DPRX: variants seen among roughly 807,000 people sequenced by gnomAD.
DPRX encodes divergent paired-related homeobox.
Under a neutral mutation model 8.4 loss-of-function variants are expected in DPRX, and 11 were observed. The ratio of observed to expected loss-of-function variants is 1.31; its 90% confidence interval spans 0.82 to 2.17. The LOEUF (loss-of-function observed/expected upper bound fraction) is 2.17, where lower values mean the gene tolerates loss of function less well. Among genes scored for constraint, DPRX ranks in the 30% most tolerant of loss-of-function variants. The pLI, the probability that DPRX is intolerant of heterozygous loss-of-function variation, is 0.00. For missense variants in DPRX, 211 were observed against 236.7 expected, an observed-to-expected ratio of 0.89 and a Z score of 0.71; for synonymous variants, 72 against 87.0, an observed-to-expected ratio of 0.83 and a Z score of 0.96.
At chr19:53,623,310 A>AAAAAAAAAT in the DPRX span, among the ~76,000 whole-genome samples, 4 of 134,020 alleles carry the variant, frequency 3.0e-5, no homozygotes, top group Non-Finnish European at 6.3e-5. Flanking sequence ...CTGTCTCAAA[A>AAAAAAAAAT]AAATAAATAA....
chr19:53,621,711 G>T, the DPRX span, among the ~76,000 whole-genome samples: 1 of 151,892 alleles, frequency 6.6e-6, no homozygotes, highest in Admixed American at 6.6e-5. Context: ...GTTGAACCTG[G>T]AGGTAGAGGT....
chr19:53,620,276 A>G, the DPRX span, among the ~76,000 whole-genome samples: 59 of 151,744 alleles, frequency 3.9e-4, no homozygotes, highest in Middle Eastern at 0.01. Flanking sequence ...TCACCATGTT[A>G]GCCAGGATGG....
At chr19:53,616,742 G>A in the DPRX span, 65 of 1,381,848 alleles carry the variant, frequency 4.7e-5, 1 homozygote, top group Middle Eastern at 2.1e-4. Flanking sequence ...CAACAAGAGC[G>A]AAACTCTGTC....
chr19:53,609,309 A>T, the DPRX span, among the ~76,000 whole-genome samples: 12 of 150,398 alleles, frequency 8.0e-5, no homozygotes, highest in Non-Finnish European at 1.6e-4. Flanking sequence ...CTCTACAAAA[A>T]ATACAAAAAT....
the DPRX span, among the ~76,000 whole-genome samples, chr19:53,613,641 T>C: frequency 6.6e-6 from 1 of 151,148 alleles, no homozygotes; most frequent in African/African-American, 2.4e-5. Flanking sequence ...ACTACAGGCA[T>C]GAGCCACCGC....
the DPRX span, among the ~76,000 whole-genome samples, chr19:53,612,150 A>G: frequency 1.3e-5 from 2 of 151,536 alleles, no homozygotes; most frequent in East Asian, 3.9e-4. Flanking sequence ...TTGGGGGGCC[A>G]AGGCAGGAGA....
Position 53,632,283 on chromosome 19 carries a change from TTTG to T in DPRX, c.28+161_28+163del, listed in dbSNP as rs749939837. ...ACTTCCCACAGAGGCTGTCATCGTT[TTTG>T]TTGTTGTTGTTTTGTTTTGTTTTGT... On this transcript the variant is annotated intron_variant, in intron 1 of 2. Coordinates refer to ENST00000376650, the Ensembl canonical transcript of DPRX. 213 of 978,792 alleles carry T rather than the reference TTTG, an allele frequency of 2.2e-4. 1 individual carries two copies. The highest frequency in any genetic ancestry group is 1.2e-3 in the Middle Eastern group (5 of 4,062). The allele number at this position is 978,792 out of a possible 1,614,324, so 60.6% of individuals were successfully genotyped here.
At chr19:53,623,556 T>A in the DPRX span, among the ~76,000 whole-genome samples, 1 of 151,992 alleles carries the variant, frequency 6.6e-6, no homozygotes, top group Middle Eastern at 3.2e-3. Flanking sequence ...GAGAATCGCT[T>A]GAATCCGGGA....
intron 2 of DPRX, among the ~76,000 whole-genome samples, chr19:53,636,318 A>G (rs537886391): frequency 1.3e-5 from 2 of 152,108 alleles, no homozygotes; most frequent in Non-Finnish European, 1.5e-5. Flanking sequence ...GTGAGCCGAG[A>G]TGGTGCCACT....
chr19:53,608,283 A>ACAC, the DPRX span: 1 of 124,318 alleles, frequency 8.0e-6, no homozygotes, highest in African/African-American at 3.1e-5. Context: ...GTGTCGTTGG[A>ACAC]CCACCCCAGC....
the DPRX span, chr19:53,603,355 G>T: frequency 2.2e-6 from 1 of 456,318 alleles, no homozygotes; most frequent in Non-Finnish European, 4.4e-6. Flanking sequence ...TGCTCACCAA[G>T]CAGAAAGGCA....
chr19:53,626,705 C>T, the DPRX span, among the ~76,000 whole-genome samples: 1 of 152,104 alleles, frequency 6.6e-6, no homozygotes, highest in Non-Finnish European at 1.5e-5. Context: ...CATGGGCCGT[C>T]TCAAGCACTC....
chr19:53,610,674 G>C, the DPRX span, among the ~76,000 whole-genome samples: 2 of 152,186 alleles, frequency 1.3e-5, no homozygotes, highest in Non-Finnish European at 1.5e-5. Flanking sequence ...TGCAGCTCAG[G>C]ATGGCTTTGA....
chr19:53,627,713 A>G (rs1465941596), upstream of DPRX, among the ~76,000 whole-genome samples: 2 of 145,500 alleles, frequency 1.4e-5, no homozygotes, highest in African/African-American at 5.0e-5. Context: ...TGCTGGGAGT[A>G]CAGACATGAG....
the DPRX span, among the ~76,000 whole-genome samples, chr19:53,624,380 C>T: frequency 6.6e-6 from 1 of 150,902 alleles, no homozygotes; most frequent in African/African-American, 2.4e-5. Flanking sequence ...CAGGGAGCCA[C>T]CATGCCCAGC....
Position 53,636,634 on chromosome 19 carries a change from GAAATGCAAGC to G in DPRX, c.224_233del (p.Lys75IlefsTer24). 2 of 1,613,584 alleles carry G rather than the reference GAAATGCAAGC, an allele frequency of 1.2e-6. No individual in the cohort carries two copies. Among genetic ancestry groups the G allele is most frequent in the South Asian group, 2.2e-5 (2 of 91,072 alleles). ...ATCACAGAGCAAAACTCAAGAAAGC[GAAATGCAAGC>G]ATATTCATCAAAAACAAGAAACTCC... On this transcript the variant is annotated frameshift_variant, in exon 3 of 3. Transcript: ENST00000376650. LOFTEE classifies it low-confidence loss of function (END_TRUNC).
chr19:53,636,386 T>TAAAAA (rs1555780224), intron 2 of DPRX, among the ~76,000 whole-genome samples: 1 of 130,090 alleles, frequency 7.7e-6, no homozygotes, highest in Non-Finnish European at 1.7e-5. Flanking sequence ...TAAAATAAAA[T>TAAAAA]AAAAATAAAT....
At chr19:53,613,379 C>T in the DPRX span, among the ~76,000 whole-genome samples, 1 of 152,138 alleles carries the variant, frequency 6.6e-6, no homozygotes, top group Non-Finnish European at 1.5e-5. Flanking sequence ...TGGAATCTCG[C>T]TCTGTCACCC....
chr19:53,632,382 C>T lies in DPRX; in HGVS notation c.28+248C>T, dbSNP rs1174604377. ...GTGGCACGATTTCGGCTCACTGCAACCTCCACCTCCCAGGTTCAAGCAATT... is the reference window on the plus strand; with the variant it reads ...GTGGCACGATTTCGGCTCACTGCAATCTCCACCTCCCAGGTTCAAGCAATT... On this transcript the variant is annotated intron_variant, in intron 1 of 2. Coordinates refer to ENST00000376650, the Ensembl canonical transcript of DPRX. 2.0e-5 allele frequency among the ~76,000 whole-genome samples: 3 copies of T among 152,046 alleles called. No individual in the cohort carries two copies. The East Asian group carries it at 5.8e-4, about 29-fold the overall frequency.
Sources: gnomAD v4.1 joint callset for allele counts (sites outside exome capture counted in the v4.1 genomes callset) on GRCh38, gnomAD v4.1.1 for gene constraint, MANE v1.5 for transcripts, NCBI Gene and HGNC (gene_info 2026-07-23, HGNC 2026-07-21) for gene names.